PAPPA2: variants seen among roughly 807,000 people sequenced by gnomAD.
The protein encoded by PAPPA2 is pappalysin 2.
In PAPPA2, 86 loss-of-function variants were observed where a neutral mutation model predicts 176.4. The observed-to-expected ratio is 0.49, with a 90% CI of 0.41 to 0.58. The LOEUF (loss-of-function observed/expected upper bound fraction) is 0.58. PAPPA2 is among the 20% of genes least tolerant of loss of function. The pLI is 0.00. For synonymous variants in PAPPA2, 809 were observed against 852.2 expected (o/e 0.95, Z 0.88); for missense variants, 2,073 against 2,256.9 (o/e 0.92, Z 1.65).
At chr1:176,724,926 T>C (rs1571231406) in intron 12 of PAPPA2, among the ~76,000 whole-genome samples, 1 of 152,192 alleles carries the variant, frequency 6.6e-6, no homozygotes, top group Admixed American at 6.5e-5. Context: ...CACTGGCTAG[T>C]AGAGCTACAG....
chr1:176,469,471 A>G (rs1231794926), intron 1 of PAPPA2, among the ~76,000 whole-genome samples: 1 of 152,188 alleles, frequency 6.6e-6, no homozygotes, highest in Non-Finnish European at 1.5e-5. Flanking sequence ...AAAACGGCCC[A>G]GGATTAACAG....
chr1:176,740,151 G>A lies in PAPPA2; in HGVS notation c.4106G>A (p.Ser1369Asn). The change falls in exon 14 of 23, where the codon AGT becomes AAT. Residue 1369 changes from serine (S) to asparagine (N), a missense_variant. By Grantham distance (46) the Ser-to-Asn change is conservative. Around this residue, in one of 4 missense-constraint regions of PAPPA2, gnomAD observed 846 missense variants for 857.9 expected, o/e 0.99. Transcript: ENST00000367662. The part of the protein sequence containing the change: ...TSSRIGLSAP[S>N]NCISEDEGQN... ...TCCCGCATTGGTCTTTCGGCTCCCA[G>A]TAACTGCATCTCAGAGGACGAGGGG... 6.2e-7 allele frequency: 1 copy of A among 1,613,842 alleles called. No individual in the cohort carries two copies.
chr1:176,470,641 C>T (rs535210926), intron 1 of PAPPA2, among the ~76,000 whole-genome samples: 2 of 152,210 alleles, frequency 1.3e-5, no homozygotes, highest in African/African-American at 2.4e-5. Context: ...GCCCCATCTC[C>T]CTGAGGGCAA....
Position 176,699,388 on chromosome 1 carries a change from A to G in PAPPA2, c.3035A>G (p.His1012Arg), listed in dbSNP as rs759182023. ...FCDIPLTIKL[H>R]VDGKVSGVKV... is the part of the protein sequence containing the mutation. ...GACATCCCACTCACCATCAAACTGC[A>G]CGTGGATGGGAAGGTGTCGGGGGTG... Residue 1012 changes from histidine to arginine, a missense_variant, in exon 8 of 23, where the codon CAC becomes CGC. His to Arg is a conservative substitution (Grantham distance 29). This residue lies in a region of PAPPA2 where 1,196 missense variants were observed against 1,330.4 expected (regional missense o/e 0.90). Coordinates refer to ENST00000367662, the MANE Select transcript of PAPPA2 (RefSeq NM_020318.3). 1.2e-6 allele frequency: 2 copies of G among 1,614,120 alleles called. No homozygotes were observed. The highest frequency in any genetic ancestry group is 1.7e-5 in the Admixed American group (1 of 60,010).
At chr1:176,561,365 A>G (rs115906157) in intron 2 of PAPPA2, among the ~76,000 whole-genome samples, 2 of 152,160 alleles carry the variant, frequency 1.3e-5, no homozygotes, top group Non-Finnish European at 2.9e-5. Flanking sequence ...GCCTGGCAGG[A>G]GCTAACAGTG....
At chr1:176,716,906 C>A (rs900897094) in intron 12 of PAPPA2, among the ~76,000 whole-genome samples, 3 of 152,092 alleles carry the variant, frequency 2.0e-5, no homozygotes, top group Admixed American at 6.5e-5. Flanking sequence ...ACACTGCGCC[C>A]GGCCACAACA....
chr1:176,611,972 T>C (rs1457124946), intron 3 of PAPPA2, among the ~76,000 whole-genome samples: 2 of 152,222 alleles, frequency 1.3e-5, no homozygotes, highest in African/African-American at 4.8e-5. Context: ...AAGTATCCAT[T>C]CATCTGTTTA....
intron 17 of PAPPA2, among the ~76,000 whole-genome samples, chr1:176,787,404 T>C (rs1163974929): frequency 6.6e-6 from 1 of 151,910 alleles, no homozygotes; most frequent in African/African-American, 2.4e-5. Flanking sequence ...CTGGCTAATT[T>C]TTGCATTTTT....
chr1:176,504,039 AAAC>A (rs1379238226), intron 1 of PAPPA2, among the ~76,000 whole-genome samples: 1 of 152,118 alleles, frequency 6.6e-6, no homozygotes, highest in East Asian at 1.9e-4. Flanking sequence ...TAATCTCTGG[AAAC>A]TATGAAGAAC....
At chr1:176,790,961 C>T (rs1186901434) in intron 18 of PAPPA2, among the ~76,000 whole-genome samples, 2 of 152,140 alleles carry the variant, frequency 1.3e-5, no homozygotes, top group Non-Finnish European at 2.9e-5. Flanking sequence ...AAAAATCTGA[C>T]ATTTGCCACC....
chr1:176,466,049 C>G (rs1324038001), intron 1 of PAPPA2, among the ~76,000 whole-genome samples: 1 of 152,126 alleles, frequency 6.6e-6, no homozygotes, highest in East Asian at 1.9e-4. Flanking sequence ...AGGCAACATG[C>G]AGAATTAGGT....
chr1:176,742,265 G>A (rs923849647), intron 14 of PAPPA2, among the ~76,000 whole-genome samples: 2 of 151,698 alleles, frequency 1.3e-5, no homozygotes, highest in Non-Finnish European at 2.9e-5. Flanking sequence ...GACAGTTGCC[G>A]ACTTTATCTC....
chr1:176,518,717 A>G (rs533764365), intron 1 of PAPPA2, among the ~76,000 whole-genome samples: 1 of 152,290 alleles, frequency 6.6e-6, no homozygotes, highest in East Asian at 1.9e-4. Context: ...GTGTGCATGT[A>G]AAGTGTTGGT....
At position 176,595,314 on chromosome 1, in the gene PAPPA2, C is replaced by T. The variant is rs755130821; in HGVS notation, c.1710C>T (p.His570=). Residue 570 remains histidine (H), a synonymous_variant, in exon 3 of 23, where the codon CAC becomes CAT. Transcript: ENST00000367662. Reference sequence around the variant, plus strand: ...ACATCAGCTGGCAGCTGAGCGTCCACCAGGTCCACAATTCCACCCTGCGAC... The same window carrying T: ...ACATCAGCTGGCAGCTGAGCGTCCATCAGGTCCACAATTCCACCCTGCGAC... The part of the protein sequence containing the change: ...RYNISWQLSV[H]QVHNSTLRHR... 4 of 1,614,084 alleles carry T rather than the reference C, an allele frequency of 2.5e-6. No individual in the cohort carries two copies. The highest frequency in any genetic ancestry group is 2.7e-5 in the African/African-American group (2 of 74,920).
At chr1:176,601,769 G>A (rs1458418030) in intron 3 of PAPPA2, among the ~76,000 whole-genome samples, 1 of 152,180 alleles carries the variant, frequency 6.6e-6, no homozygotes, top group East Asian at 1.9e-4. Context: ...AGGAATTTCT[G>A]TACCCTCAGG....
chr1:176,524,565 A>G (rs1309543694), intron 1 of PAPPA2, among the ~76,000 whole-genome samples: 1 of 152,236 alleles, frequency 6.6e-6, no homozygotes, highest in Non-Finnish European at 1.5e-5. Context: ...TGATTGGGAA[A>G]GACTTCCTGA....
At chr1:176,739,503 A>T (rs1662568905) in intron 12 of PAPPA2, 123 bp from the exon 13 acceptor site, 13 of 1,020,382 alleles carry the variant, frequency 1.3e-5, no homozygotes, top group African/African-American at 9.7e-5. Context: ...TAGCATTTAT[A>T]AAAAAAATGG....
intron 22 of PAPPA2, among the ~76,000 whole-genome samples, chr1:176,840,938 T>C (rs1245291934): frequency 3.9e-5 from 6 of 152,218 alleles, no homozygotes; most frequent in African/African-American, 7.2e-5. Context: ...TGTTATTTCC[T>C]TCCTTGTATA....
chr1:176,595,222 C>G lies in PAPPA2; in HGVS notation c.1618C>G (p.Pro540Ala). Residue 540 changes from proline (P) to alanine (A), a missense_variant, in exon 3 of 23, where the codon CCC becomes GCC. By Grantham distance (27) the Pro-to-Ala change is conservative. Around this residue, in one of 4 missense-constraint regions of PAPPA2, gnomAD observed 1,196 missense variants for 1,330.4 expected, o/e 0.90. Transcript: ENST00000367662. ...VNICDDEGLN[P>A]IVSEEQIRLQ... is the part of the protein sequence containing the mutation. ...CATCTGTGATGATGAGGGCCTAAAC[C>G]CCATTGTGAGTGAGGAGCAGATTCG... The G allele has an allele frequency of 2.5e-6, 4 of 1,614,152 alleles. No homozygotes were observed. In the East Asian group the frequency reaches 6.7e-5, roughly 27 times the overall value.
Sources: allele counts gnomAD v4.1 joint callset (sites outside exome capture counted in the v4.1 genomes callset), GRCh38; gene constraint gnomAD v4.1.1; regional missense constraint gnomAD v4.1.1; transcripts MANE v1.5; gene names NCBI Gene and HGNC (gene_info 2026-07-23, HGNC 2026-07-21).